Variants in BICC1 observed in about 807,000 individuals in gnomAD.
BICC1 encodes BicC family RNA binding protein 1.
In BICC1, 43 loss-of-function variants were observed where a neutral mutation model predicts 111.0. That is an observed-to-expected ratio of 0.39 (90% CI 0.30 to 0.50). The LOEUF (loss-of-function observed/expected upper bound fraction) is 0.50. BICC1 is among the 20% of genes least tolerant of loss of function. The pLI, the probability that BICC1 is intolerant of heterozygous loss-of-function variation, is 0.88. For missense variants in BICC1, 1,091 were observed against 1,203.2 expected (o/e 0.91, Z 1.38); for synonymous variants, 467 against 434.4 (o/e 1.07, Z -0.93).
intron 1 of BICC1, among the ~76,000 whole-genome samples, chr10:58,613,854 A>G (rs897494750): frequency 1.3e-5 from 2 of 152,200 alleles, no homozygotes; most frequent in Non-Finnish European, 2.9e-5. Context: ...AATTTGAATG[A>G]AGGTAGGGCC....
At chr10:58,741,405 A>G (rs1841659683) in intron 3 of BICC1, among the ~76,000 whole-genome samples, 1 of 152,350 alleles carries the variant, frequency 6.6e-6, no homozygotes, top group Non-Finnish European at 1.5e-5. Flanking sequence ...AAATATTAAT[A>G]CATTTCTCAA....
intron 1 of BICC1, among the ~76,000 whole-genome samples, chr10:58,614,466 A>C (rs1312493710): frequency 1.3e-5 from 2 of 152,236 alleles, no homozygotes; most frequent in Non-Finnish European, 2.9e-5. Flanking sequence ...TTGGAATAAA[A>C]AAGTCCAAAG....
chr10:58,805,012 G>T (rs544229064), intron 15 of BICC1, among the ~76,000 whole-genome samples: 2 of 152,108 alleles, frequency 1.3e-5, no homozygotes, highest in Non-Finnish European at 2.9e-5. Context: ...CTGCAAGTCA[G>T]CCAGGCATGG....
At chr10:58,766,862 T>C (rs1044568914) in intron 3 of BICC1, among the ~76,000 whole-genome samples, 6 of 151,988 alleles carry the variant, frequency 3.9e-5, no homozygotes, top group Admixed American at 6.5e-5. Flanking sequence ...TGTAAAATGC[T>C]GTCCAAGAAG....
At chr10:58,646,715 A>G (rs1474468646) in intron 2 of BICC1, among the ~76,000 whole-genome samples, 1 of 152,114 alleles carries the variant, frequency 6.6e-6, no homozygotes, top group Non-Finnish European at 1.5e-5. Context: ...GGCCATGGAG[A>G]TTCTTGTGAA....
chr10:58,733,304 G>T (rs972043910), intron 3 of BICC1, among the ~76,000 whole-genome samples: 1 of 152,204 alleles, frequency 6.6e-6, no homozygotes, highest in African/African-American at 2.4e-5. Context: ...ATAATGAATG[G>T]AAGCGTTTGT....
chr10:58,822,537 C>T (rs1844282860), intron 20 of BICC1, among the ~76,000 whole-genome samples: 1 of 152,100 alleles, frequency 6.6e-6, no homozygotes, highest in Admixed American at 6.6e-5. Flanking sequence ...CTTCCTCTCT[C>T]AGTGGGGTTC....
chr10:58,512,742 G>A (rs1390982635), upstream of BICC1, among the ~76,000 whole-genome samples: 2 of 151,518 alleles, frequency 1.3e-5, no homozygotes, highest in African/African-American at 4.8e-5. Flanking sequence ...GTGTGTGAGC[G>A]CCAGGGGCCG....
chr10:58,813,468 G>A (rs1207164178), intron 17 of BICC1, among the ~76,000 whole-genome samples: 2 of 152,076 alleles, frequency 1.3e-5, no homozygotes, highest in African/African-American at 4.8e-5. Context: ...GAGAATCTTT[G>A]CTCTACCAGG....
intron 1 of BICC1, among the ~76,000 whole-genome samples, chr10:58,578,389 G>A (rs183516606): frequency 2.5e-4 from 38 of 151,880 alleles, no homozygotes; most frequent in African/African-American, 8.5e-4. Context: ...TTCCAACGTC[G>A]GGCCCACATT....
chr10:58,726,004 A>G (rs913860459), intron 3 of BICC1, among the ~76,000 whole-genome samples: 1 of 152,230 alleles, frequency 6.6e-6, no homozygotes, highest in African/African-American at 2.4e-5. Flanking sequence ...TATTTCACTT[A>G]TAAAATTTAG....
At chr10:58,738,899 G>A (rs1477598799) in intron 3 of BICC1, among the ~76,000 whole-genome samples, 1 of 151,920 alleles carries the variant, frequency 6.6e-6, no homozygotes, top group Non-Finnish European at 1.5e-5. Flanking sequence ...TGTTATTGGT[G>A]TATAAGAATG....
At chr10:58,791,167 A>G (rs995590645) in intron 8 of BICC1, among the ~76,000 whole-genome samples, 91 of 152,294 alleles carry the variant, frequency 6.0e-4, no homozygotes, top group African/African-American at 2.0e-3. Context: ...TATTTTTAAT[A>G]TACTGTACTA....
intron 2 of BICC1, among the ~76,000 whole-genome samples, chr10:58,636,007 G>C (rs1837942808): frequency 6.6e-6 from 1 of 152,018 alleles, no homozygotes; most frequent in South Asian, 2.1e-4. Flanking sequence ...TTCTTGTTTT[G>C]TTCTCTTGTT....
chr10:58,769,729 A>G (rs1170721508), intron 3 of BICC1, among the ~76,000 whole-genome samples: 2 of 151,964 alleles, frequency 1.3e-5, no homozygotes, highest in African/African-American at 2.4e-5. Flanking sequence ...ATGAATATCA[A>G]TGGCTTTTTC....
chr10:58,767,784 A>G (rs1342880891), intron 3 of BICC1, among the ~76,000 whole-genome samples: 1 of 152,080 alleles, frequency 6.6e-6, no homozygotes, highest in Non-Finnish European at 1.5e-5. Flanking sequence ...GTAAAATAGA[A>G]CCAAACAACT....
chr10:58,584,680 CA>C (rs1844380927), intron 1 of BICC1, among the ~76,000 whole-genome samples: 1 of 152,000 alleles, frequency 6.6e-6, no homozygotes, highest in Admixed American at 6.6e-5. Flanking sequence ...CTAGCTGTTC[CA>C]GTTTGTCCAA....
intron 2 of BICC1, among the ~76,000 whole-genome samples, chr10:58,645,684 A>G (rs888107654): frequency 4.6e-5 from 7 of 152,150 alleles, no homozygotes; most frequent in Non-Finnish European, 8.8e-5. Flanking sequence ...TCCCATTGGC[A>G]TTTTGCGGCA....
chr10:58,772,462 T>G (rs1377140087), intron 3 of BICC1, among the ~76,000 whole-genome samples: 1 of 152,190 alleles, frequency 6.6e-6, no homozygotes, highest in Admixed American at 6.5e-5. Flanking sequence ...ATATAATTGC[T>G]GACATTATAT....
Sources: gnomAD v4.1 joint callset for allele counts (sites outside exome capture counted in the v4.1 genomes callset) on GRCh38, gnomAD v4.1.1 for gene constraint, MANE v1.5 for transcripts, NCBI Gene and HGNC (gene_info 2026-07-23, HGNC 2026-07-21) for gene names.